Variants in PRKN observed in about 807,000 individuals in gnomAD.
The protein encoded by PRKN is parkin RBR E3 ubiquitin protein ligase, also known as E3 ubiquitin-protein ligase parkin.
PRKN carries 56 observed loss-of-function variants against 59.5 expected under a neutral mutation model. The observed-to-expected ratio is 0.94, with a 90% CI of 0.76 to 1.18. PRKN has a LOEUF of 1.18. Ranked by LOEUF, PRKN falls within the 50% of genes most tolerant of loss-of-function variation. The pLI, the probability that PRKN is intolerant of heterozygous loss-of-function variation, is 0.00. For missense variants in PRKN, 657 were observed against 596.4 expected (o/e 1.10, Z -1.06); for synonymous variants, 250 against 222.1 (o/e 1.13, Z -1.12).
At chr6:162,379,041 A>T (rs550983777) in intron 2 of PRKN, among the ~76,000 whole-genome samples, 61 of 152,316 alleles carry the variant, frequency 4.0e-4, no homozygotes, top group African/African-American at 1.4e-3. Context: ...AAATACTTTA[A>T]ATAGATCAAA....
chr6:161,698,918 T>C (rs557998694), intron 7 of PRKN, among the ~76,000 whole-genome samples: 3 of 152,252 alleles, frequency 2.0e-5, no homozygotes, highest in Admixed American at 6.5e-5. Flanking sequence ...AGTGAAAAGA[T>C]CTGCTCTTTG....
intron 1 of PRKN, among the ~76,000 whole-genome samples, chr6:162,595,679 C>T (rs1781474005): frequency 6.6e-6 from 1 of 151,982 alleles, no homozygotes. Context: ...AATAATTTCA[C>T]TGCTAATCCA....
At position 161,582,604 on chromosome 6, in the gene PRKN, G is replaced by T. The variant is rs1430189397; in HGVS notation, c.872-13188C>A. On this transcript the variant is annotated intron_variant, in intron 7 of 11. Transcript: ENST00000366898. The surrounding 1 kb of genome is among the most constrained non-coding windows in gnomAD (Gnocchi z 4.4). ...ACCTCGCCTGGCTAATTGTTTTGTA[G>T]TTTTAGTAGAGATGGGGTTTCACCA... is the stretch of plus-strand genomic sequence containing the variant. Among the ~76,000 whole-genome samples, 4 of 151,778 alleles carry T rather than the reference G, an allele frequency of 2.6e-5. No individual in the cohort carries two copies. Among genetic ancestry groups the T allele is most frequent in the African/African-American group, 7.3e-5 (3 of 41,348 alleles).
At chr6:162,528,766 C>G (rs1778391773) in intron 1 of PRKN, among the ~76,000 whole-genome samples, 1 of 151,976 alleles carries the variant, frequency 6.6e-6, no homozygotes, top group Non-Finnish European at 1.5e-5. Flanking sequence ...CCACTGAACT[C>G]CAGCCTGGAT....
chr6:162,482,695 T>C (rs1242197286), intron 1 of PRKN, among the ~76,000 whole-genome samples: 1 of 152,136 alleles, frequency 6.6e-6, no homozygotes, highest in African/African-American at 2.4e-5. Flanking sequence ...AATGGATAAA[T>C]GAAAGCAGAG....
At chr6:161,633,403 C>T (rs1263103934) in intron 7 of PRKN, among the ~76,000 whole-genome samples, 6 of 152,220 alleles carry the variant, frequency 3.9e-5, no homozygotes, top group African/African-American at 1.4e-4. Flanking sequence ...CCCTTAGCAA[C>T]ATTGAATCCT....
At chr6:162,231,813 G>T (rs1340808193) in intron 3 of PRKN, among the ~76,000 whole-genome samples, 1 of 152,144 alleles carries the variant, frequency 6.6e-6, no homozygotes, top group Admixed American at 6.5e-5. Context: ...CTACATCCCA[G>T]AGAGAGAAAA....
intron 1 of PRKN, among the ~76,000 whole-genome samples, chr6:162,506,487 C>CT (rs561604237): frequency 8.8e-4 from 134 of 152,182 alleles, no homozygotes; most frequent in African/African-American, 3.1e-3. Context: ...TGGAGAAAGT[C>CT]TATTTCATTA....
chr6:162,306,372 AC>A, intron 2 of PRKN, among the ~76,000 whole-genome samples: 1 of 152,256 alleles, frequency 6.6e-6, no homozygotes, highest in South Asian at 2.1e-4. Flanking sequence ...GCTGGTGTTA[AC>A]CCCTATGGGG....
chr6:162,073,913 A>T (rs1778698167), intron 4 of PRKN, among the ~76,000 whole-genome samples: 1 of 152,254 alleles, frequency 6.6e-6, no homozygotes, highest in Non-Finnish European at 1.5e-5. Context: ...GAGAAATGCA[A>T]ATCAAAATCA....
intron 6 of PRKN, among the ~76,000 whole-genome samples, chr6:161,890,870 G>GA (rs1403835331): frequency 1.3e-5 from 2 of 152,134 alleles, no homozygotes; most frequent in African/African-American, 4.8e-5. Context: ...CGGGGTCTTA[G>GA]AACAATCACT....
chr6:162,496,658 G>A (rs2128186577), intron 1 of PRKN, among the ~76,000 whole-genome samples: 1 of 152,312 alleles, frequency 6.6e-6, no homozygotes, highest in Admixed American at 6.5e-5. Context: ...ATGATCCTGA[G>A]TGTGTTATTT....
intron 6 of PRKN, among the ~76,000 whole-genome samples, chr6:161,871,464 C>T (rs145522269): frequency 3.3e-5 from 5 of 152,240 alleles, no homozygotes; most frequent in African/African-American, 1.2e-4. Flanking sequence ...ACTCAGGGTG[C>T]AGTTTTTAGA....
At chr6:162,505,905 T>G (rs1793588500) in intron 1 of PRKN, among the ~76,000 whole-genome samples, 1 of 152,194 alleles carries the variant, frequency 6.6e-6, no homozygotes, top group Non-Finnish European at 1.5e-5. Context: ...GCCAAGTCAG[T>G]GTTTCTGTAG....
intron 7 of PRKN, among the ~76,000 whole-genome samples, chr6:161,712,063 T>C (rs1381806648): frequency 6.6e-6 from 1 of 152,148 alleles, no homozygotes; most frequent in Non-Finnish European, 1.5e-5. Flanking sequence ...CCCTTTCATA[T>C]ATACAACACC....
At chr6:161,991,953 A>C (rs1176712779) in intron 5 of PRKN, among the ~76,000 whole-genome samples, 2 of 152,230 alleles carry the variant, frequency 1.3e-5, no homozygotes, top group Non-Finnish European at 2.9e-5. Context: ...GAAAGGATAG[A>C]AAAAGTCATT....
intron 2 of PRKN, among the ~76,000 whole-genome samples, chr6:162,311,790 A>G (rs1782530115): frequency 6.6e-6 from 1 of 152,056 alleles, no homozygotes; most frequent in Non-Finnish European, 1.5e-5. Context: ...CTGCCTGGTC[A>G]TAGGGCATAG....
intron 7 of PRKN, among the ~76,000 whole-genome samples, chr6:161,617,435 G>A (rs1459403332): frequency 3.3e-5 from 5 of 152,114 alleles, no homozygotes; most frequent in Admixed American, 2.6e-4. Flanking sequence ...GTACTGCATT[G>A]GCAAATCAGG....
intron 4 of PRKN, among the ~76,000 whole-genome samples, chr6:162,130,993 G>A (rs116815870): frequency 0.015 from 2,208 of 152,080 alleles, 54 homozygotes; most frequent in African/African-American, 0.051. Context: ...TTTGCTCTAC[G>A]ATGCCCGAGT....
Sources: allele counts gnomAD v4.1 joint callset (sites outside exome capture counted in the v4.1 genomes callset), GRCh38; gene constraint gnomAD v4.1.1; non-coding constraint Gnocchi (gnomAD v3.1); transcripts MANE v1.5; gene names NCBI Gene and HGNC (gene_info 2026-07-23, HGNC 2026-07-21).